The following MIIP variants were observed in gnomAD, a reference collection of about 807,000 sequenced individuals.
MIIP encodes migration and invasion-inhibitory protein.
Under a neutral mutation model 44.8 loss-of-function variants are expected in MIIP, and 44 were observed. The observed-to-expected ratio is 0.98, with a 90% CI of 0.77 to 1.26. MIIP has a LOEUF of 1.26. Among genes scored for constraint, MIIP ranks in the 50% most tolerant of loss-of-function variants. The pLI, the probability that MIIP is intolerant of heterozygous loss-of-function variation, is 0.00. For missense variants in MIIP, 496 were observed against 511.7 expected, an observed-to-expected ratio of 0.97 and a Z score of 0.30; for synonymous variants, 225 against 218.3, an observed-to-expected ratio of 1.03 and a Z score of -0.27.
rs775489289 is a variant in MIIP, at chr1:12,021,848, C to T, written c.114+8C>T. On this transcript the variant is annotated splice_region_variant and intron_variant, in intron 2 of 9. Coordinates refer to ENST00000235332, the MANE Select transcript of MIIP (RefSeq NM_021933.4). ...GCCAGGGCAGCCTCGGAGGTGCGTG[C>T]CCGCCTTGGGAACCCCAGAGGAAGG... 46 of 1,591,360 alleles carry T rather than the reference C, an allele frequency of 2.9e-5. No individual in the cohort carries two copies. The highest frequency in any genetic ancestry group is 3.8e-5 in the Non-Finnish European group (44 of 1,169,242).
At chr1:12,028,950 C>A (rs544319487) in intron 4 of MIIP, 83 bp from the exon 5 acceptor site, 3 of 1,168,586 alleles carry the variant, frequency 2.6e-6, no homozygotes, top group Admixed American at 1.8e-5. Context: ...CAGGGCTGAT[C>A]GTCTCTCCAA....
chr1:12,031,201 G>A lies in MIIP; in HGVS notation c.943-65G>A, dbSNP rs1333983974. On this transcript the variant is annotated intron_variant, in intron 8 of 9. Transcript: ENST00000235332. ...GGGGGGCACAGTTCCTCCCTGATGG[G>A]GGTGTGCCCAGTCAGCGGGGAGCTT... The A allele has an allele frequency of 4.5e-6, 7 of 1,547,834 alleles. No homozygotes were observed. The East Asian group carries it at 1.6e-4, about 36-fold the overall frequency.
rs561107024 is a variant in MIIP, at chr1:12,021,402, A to C, written c.-82-243A>C. Among the ~76,000 whole-genome samples, 100 of 152,206 alleles carry C rather than the reference A, an allele frequency of 6.6e-4. 1 individual carries two copies. The highest frequency in any genetic ancestry group is 2.4e-3 in the African/African-American group (99 of 41,548). Reference sequence around the variant, plus strand: ...GAGCAAGACTCCATCTCAAAAAAAAAAAACAAAAAAACAAAACAAAAAAAA... The same window carrying C: ...GAGCAAGACTCCATCTCAAAAAAAACAAACAAAAAAACAAAACAAAAAAAA... On this transcript the variant is annotated intron_variant, in intron 1 of 9. Transcript: ENST00000235332.
intron 4 of MIIP, among the ~76,000 whole-genome samples, chr1:12,027,305 C>T (rs1569925516): frequency 6.6e-6 from 1 of 152,326 alleles, no homozygotes; most frequent in East Asian, 1.9e-4. Context: ...CCACTGTGTC[C>T]AGCCTCCACT....
intron 1 of MIIP, among the ~76,000 whole-genome samples, chr1:12,021,326 G>A (rs1167942282): frequency 1.3e-5 from 2 of 151,490 alleles, no homozygotes; most frequent in Non-Finnish European, 2.9e-5. Flanking sequence ...CCCGGGAGGC[G>A]GAGCTTGCAG....
At position 12,030,060 on chromosome 1, in the gene MIIP, C is replaced by T. The variant is rs755192697; in HGVS notation, c.878C>T (p.Pro293Leu). ...ATCCCGCTGTCGATCCTGGAGCCCCCGCACCGGTACCACATCCACCGGCGA... is the reference window on the plus strand; with the variant it reads ...ATCCCGCTGTCGATCCTGGAGCCCCTGCACCGGTACCACATCCACCGGCGA... ...VSIPLSILEP[P>L]HRYHIHRRKS... The change falls in exon 8 of 10, where the codon CCG (proline) becomes CTG (leucine). Residue 293 changes from proline to leucine, a missense_variant. Physicochemically the swap from Pro to Leu is moderately conservative, Grantham distance 98 (BLOSUM62 -3). Transcript: ENST00000235332. 6.4e-5 allele frequency: 104 copies of T among 1,613,396 alleles called. 1 individual carries two copies. In the Admixed American group the frequency reaches 1.6e-3, roughly 25 times the overall value.
In MIIP at chr1:12,031,281, T is replaced by C. The variant is rs965880020; in HGVS notation, c.958T>C (p.Trp320Arg). ...CCTTCCACAGCACTGCCTGCTGGGC[T>C]GGGACATTTTTCCTCCGAAGTCTGA... is the stretch of plus-strand genomic sequence containing the variant. ...LALPRHCLLG[W>R]DIFPPKSEKS... is the part of the protein sequence containing the mutation. Residue 320 changes from tryptophan (W) to arginine (R), a missense_variant, in exon 9 of 10, where the codon TGG (tryptophan) becomes CGG (arginine). Trp to Arg is a moderately radical substitution (Grantham distance 101). Transcript: ENST00000235332. The C allele has an allele frequency of 5.0e-6, 8 of 1,613,762 alleles. No individual in the cohort carries two copies. Among genetic ancestry groups the C allele is most frequent in the African/African-American group, 4.0e-5 (3 of 74,912 alleles).
chr1:12,022,542 A>G (rs1640005767), intron 3 of MIIP, 100 bp downstream of exon 3: 3 of 1,030,752 alleles, frequency 2.9e-6, no homozygotes, highest in Admixed American at 2.9e-5. Context: ...CCCTTGCAGA[A>G]TAAGAGGCTC....
At chr1:12,023,059 C>CA in intron 4 of MIIP, 142 bp downstream of exon 4, 1 of 352,962 alleles carries the variant, frequency 2.8e-6, no homozygotes, top group Non-Finnish European at 5.1e-6. Context: ...GGAGCACCCT[C>CA]TTTTTTTTTT....
chr1:12,020,867 A>G (rs1639959164), intron 1 of MIIP, among the ~76,000 whole-genome samples: 1 of 152,034 alleles, frequency 6.6e-6, no homozygotes, highest in Non-Finnish European at 1.5e-5. Flanking sequence ...CATTTTTAGT[A>G]GCGACGAGGT....
In MIIP at chr1:12,029,074, G is replaced by A. The variant is rs758574439; in HGVS notation, c.589G>A (p.Ala197Thr). 1.9e-6 allele frequency: 3 copies of A among 1,614,182 alleles called. No individual in the cohort carries two copies. The highest frequency in any genetic ancestry group is 2.2e-5 in the South Asian group (2 of 91,088). The change falls in exon 5 of 10, where the codon GCC (alanine) becomes ACC (threonine). Residue 197 changes from alanine to threonine, a missense_variant. Physicochemically the swap from Ala to Thr is moderately conservative, Grantham distance 58. Transcript: ENST00000235332. ...TSSSITSQPE[A>T]FFSKLQEFRE... ...CTCTTCCATCACCAGCCAGCCTGAG[G>A]CCTTCTTCTCCAAGCTGCAGGAGTT...
Position 12,031,316 on chromosome 1 carries a change from A to C in MIIP, c.993A>C (p.Ser331=), listed in dbSNP as rs757022360. The stretch of plus-strand genomic sequence containing the variant: ...TTCCTCCGAAGTCTGAGAAAAGCTC[A>C]GCCCCCAGGAACCTGGACCTCTGGT... ...DIFPPKSEKS[S]APRNLDLWSS... is the part of the protein sequence containing the mutation. The change falls in exon 9 of 10, where the codon TCA becomes TCC. Residue 331 remains serine, a synonymous_variant. Transcript: ENST00000235332. The C allele has an allele frequency of 1.2e-6, 2 of 1,613,986 alleles. No homozygotes were observed. Among genetic ancestry groups the C allele is most frequent in the Non-Finnish European group, 1.7e-6 (2 of 1,179,916 alleles).
intron 4 of MIIP, among the ~76,000 whole-genome samples, chr1:12,026,202 C>T (rs1640102756): frequency 6.6e-6 from 1 of 151,994 alleles, no homozygotes; most frequent in South Asian, 2.1e-4. Flanking sequence ...CTACTCAGGA[C>T]GCTGAGGCAG....
intron 8 of MIIP, among the ~76,000 whole-genome samples, chr1:12,030,764 G>T (rs1398285387): frequency 3.1e-5 from 4 of 128,260 alleles, no homozygotes; most frequent in Non-Finnish European, 6.8e-5. Context: ...GACAGAGTGA[G>T]ACTCCATCTC....
intron 6 of MIIP, 88 bp from the exon 7 acceptor site, chr1:12,029,677 G>T: frequency 1.3e-6 from 2 of 1,526,210 alleles, no homozygotes; most frequent in Non-Finnish European, 1.8e-6. Context: ...GGCAGCTTGT[G>T]TGGTTGGGGG....
intron 1 of MIIP, among the ~76,000 whole-genome samples, chr1:12,021,393 C>CAAA (rs778338153): frequency 1.7e-5 from 2 of 117,676 alleles, no homozygotes; most frequent in Non-Finnish European, 3.6e-5. Context: ...GACTCCATCT[C>CAAA]AAAAAAAAAA....
chr1:12,028,410 C>T (rs1640148182), intron 4 of MIIP, among the ~76,000 whole-genome samples: 1 of 152,134 alleles, frequency 6.6e-6, no homozygotes. Context: ...ACCTCATCTC[C>T]TCCACCCTCG....
chr1:12,027,402 C>G (rs1640126352), intron 4 of MIIP, among the ~76,000 whole-genome samples: 1 of 152,158 alleles, frequency 6.6e-6, no homozygotes, highest in African/African-American at 2.4e-5. Flanking sequence ...GGTGCCAACT[C>G]CCCAGCTTAG....
At chr1:12,031,121 G>GGGTAGTCT (rs1640230782) in intron 8 of MIIP, 145 bp from the exon 9 acceptor site, 1 of 948,680 alleles carries the variant, frequency 1.1e-6, no homozygotes, top group Admixed American at 2.9e-5. Flanking sequence ...GGGAGAGCTG[G>GGGTAGTCT]GGTAGTCTTG....
Sources: gnomAD v4.1 joint callset for allele counts (sites outside exome capture counted in the v4.1 genomes callset) on GRCh38, gnomAD v4.1.1 for gene constraint, MANE v1.5 for transcripts, NCBI Gene and HGNC (gene_info 2026-07-23, HGNC 2026-07-21) for gene names.